Variants in MDGA2 observed in about 807,000 individuals in gnomAD.
MDGA2 encodes MAM domain-containing glycosylphosphatidylinositol anchor protein 2.
A neutral mutation model predicts 117.8 loss-of-function variants in MDGA2; 40 were observed. That is an observed-to-expected ratio of 0.34 (90% CI 0.26 to 0.44). MDGA2 has a LOEUF of 0.44. Ranked by LOEUF, MDGA2 falls within the 20% of genes least tolerant of loss-of-function variation. The probability of loss-of-function intolerance (pLI) is 1.00; values close to 1 mark genes in which losing one functional copy is unlikely to be tolerated. For missense variants in MDGA2, 1,123 were observed against 1,250.6 expected, an observed-to-expected ratio of 0.90 and a Z score of 1.54; for synonymous variants, 452 against 439.0, an observed-to-expected ratio of 1.03 and a Z score of -0.37.
intron 2 of MDGA2, among the ~76,000 whole-genome samples, chr14:47,259,969 C>G (rs1887742569): frequency 6.6e-6 from 1 of 152,024 alleles, no homozygotes; most frequent in African/African-American, 2.4e-5. Flanking sequence ...AGATAAGCTG[C>G]TGCTGAGAAT....
chr14:46,873,965 C>A (rs1297374616), intron 13 of MDGA2, 80 bp downstream of exon 13: 14 of 1,105,784 alleles, frequency 1.3e-5, no homozygotes, highest in Non-Finnish European at 1.8e-5. Context: ...AAATATATGG[C>A]TAAATATTAG....
At chr14:47,517,251 T>C (rs535560106) in intron 1 of MDGA2, among the ~76,000 whole-genome samples, 1 of 152,228 alleles carries the variant, frequency 6.6e-6, no homozygotes, top group African/African-American at 2.4e-5. Context: ...GGGAGTCTTT[T>C]GATGACTAAA....
At chr14:47,167,115 T>C (rs1883915384) in intron 3 of MDGA2, among the ~76,000 whole-genome samples, 1 of 152,152 alleles carries the variant, frequency 6.6e-6, no homozygotes, top group Admixed American at 6.5e-5. Context: ...TCTCTCTATA[T>C]ATACTTTTAA....
chr14:47,651,064 G>T (rs1370275681), intron 1 of MDGA2, among the ~76,000 whole-genome samples: 1 of 152,080 alleles, frequency 6.6e-6, no homozygotes, highest in Non-Finnish European at 1.5e-5. Flanking sequence ...ATGATTTTGT[G>T]ATCAAAAATA....
chr14:47,186,514 C>T (rs1346519610), intron 3 of MDGA2, among the ~76,000 whole-genome samples: 1 of 151,814 alleles, frequency 6.6e-6, no homozygotes, highest in African/African-American at 2.4e-5. Flanking sequence ...CTTACTATAG[C>T]CTAATTATTT....
intron 8 of MDGA2, among the ~76,000 whole-genome samples, chr14:47,030,029 T>C (rs1235149330): frequency 6.6e-6 from 1 of 151,886 alleles, no homozygotes; most frequent in Non-Finnish European, 1.5e-5. Flanking sequence ...GGTTTCACCA[T>C]GTTGGCCAGA....
intron 1 of MDGA2, among the ~76,000 whole-genome samples, chr14:47,587,672 C>T (rs1360739352): frequency 2.6e-5 from 4 of 151,992 alleles, no homozygotes; most frequent in Admixed American, 6.6e-5. Context: ...GTATTCATTG[C>T]CCTGAATTTT....
rs183104099 is a variant in MDGA2 at position 47,423,135 on chromosome 14, A to G, written c.281-121585T>C. On this transcript the variant is annotated intron_variant, in intron 1 of 16. Transcript: ENST00000399232. ...TCTTGTTTTCATTCTAGGGACTCTA[A>G]ACATGTCACACATCTGTATAATGAT... 4.1e-4 allele frequency among the ~76,000 whole-genome samples: 63 copies of G among 152,294 alleles called. 1 individual carries two copies. The East Asian group carries it at 9.3e-3, about 22-fold the overall frequency.
intron 1 of MDGA2, among the ~76,000 whole-genome samples, chr14:47,528,072 C>A (rs931069894): frequency 1.3e-5 from 2 of 152,152 alleles, no homozygotes; most frequent in Non-Finnish European, 2.9e-5. Context: ...TACCCTTGAC[C>A]TTTTTTGTAT....
chr14:47,081,720 C>G (rs560327170), intron 6 of MDGA2, among the ~76,000 whole-genome samples: 1 of 152,068 alleles, frequency 6.6e-6, no homozygotes, highest in Non-Finnish European at 1.5e-5. Flanking sequence ...ATATCCATTA[C>G]CATATTATTT....
chr14:47,022,712 T>A (rs1254993434), intron 8 of MDGA2, among the ~76,000 whole-genome samples: 1 of 151,806 alleles, frequency 6.6e-6, no homozygotes, highest in Admixed American at 6.6e-5. Flanking sequence ...TTGTAAAGAG[T>A]GGGCTCATAA....
chr14:47,351,368 C>CTGT (rs1489577351), intron 1 of MDGA2, among the ~76,000 whole-genome samples: 15 of 152,166 alleles, frequency 9.9e-5, no homozygotes, highest in African/African-American at 3.6e-4. Context: ...AGGCATGAGC[C>CTGT]ACCGCACCTG....
At chr14:47,323,149 G>GATATATATATATATATATAT (rs58765297) in intron 1 of MDGA2, among the ~76,000 whole-genome samples, 6 of 107,674 alleles carry the variant, frequency 5.6e-5, no homozygotes, top group Admixed American at 2.6e-4. Flanking sequence ...AAGAGTCATG[G>GATATATATATATATATATAT]ATATATATAT....
intron 2 of MDGA2, among the ~76,000 whole-genome samples, chr14:47,290,055 C>T (rs1888826665): frequency 6.6e-6 from 1 of 151,976 alleles, no homozygotes; most frequent in Non-Finnish European, 1.5e-5. Flanking sequence ...ACGTAAAATG[C>T]TTAGATTTAG....
At chr14:47,001,817 T>C (rs1445441170) in intron 8 of MDGA2, among the ~76,000 whole-genome samples, 3 of 152,022 alleles carry the variant, frequency 2.0e-5, no homozygotes, top group Non-Finnish European at 4.4e-5. Context: ...ACAGAATAAA[T>C]TGCCTGGGAG....
chr14:47,328,467 T>G (rs1890204735), intron 1 of MDGA2, among the ~76,000 whole-genome samples: 1 of 152,162 alleles, frequency 6.6e-6, no homozygotes, highest in African/African-American at 2.4e-5. Context: ...CATGCTGCAT[T>G]TTAAAGATCC....
intron 5 of MDGA2, among the ~76,000 whole-genome samples, chr14:47,122,887 C>T (rs1881724178): frequency 6.6e-6 from 1 of 151,972 alleles, no homozygotes; most frequent in Non-Finnish European, 1.5e-5. Flanking sequence ...TTAGCATATC[C>T]TCGACCCAAT....
At chr14:47,535,649 G>T (rs1206126896) in intron 1 of MDGA2, among the ~76,000 whole-genome samples, 2 of 152,118 alleles carry the variant, frequency 1.3e-5, no homozygotes, top group African/African-American at 2.4e-5. Context: ...ACTCAGAAGT[G>T]GTGATGTTTG....
intron 6 of MDGA2, among the ~76,000 whole-genome samples, chr14:47,090,969 GAGCCT>G (rs993326896): frequency 2.6e-5 from 4 of 152,088 alleles, no homozygotes; most frequent in African/African-American, 9.7e-5. Flanking sequence ...TTTTTTAGCT[GAGCCT>G]CTCAACTCCC....
Sources: allele counts gnomAD v4.1 joint callset (sites outside exome capture counted in the v4.1 genomes callset), GRCh38; gene constraint gnomAD v4.1.1; transcripts MANE v1.5; gene names NCBI Gene and HGNC (gene_info 2026-07-23, HGNC 2026-07-21).